FARS2: variants seen among roughly 807,000 people sequenced by gnomAD.
FARS2 encodes phenylalanine--tRNA ligase, mitochondrial.
Under a neutral mutation model 46.4 loss-of-function variants are expected in FARS2, and 40 were observed. The observed-to-expected ratio is 0.86, with a 90% CI of 0.67 to 1.12. FARS2 has a LOEUF of 1.12. Ranked by LOEUF, FARS2 falls within the 50% of genes most tolerant of loss-of-function variation. The pLI is 0.00. For synonymous variants in FARS2, 234 were observed against 214.9 expected (o/e 1.09, Z -0.78); for missense variants, 513 against 567.9 (o/e 0.90, Z 0.98).
In FARS2 at chr6:5,520,658, A is replaced by G. The variant is rs183031545; in HGVS notation, c.905-24522A>G. Among the ~76,000 whole-genome samples, 7 of 152,268 alleles carry G rather than the reference A, an allele frequency of 4.6e-5. No individual in the cohort carries two copies. In the East Asian group the frequency reaches 1.4e-3, roughly 29 times the overall value. On this transcript the variant is annotated intron_variant, in intron 4 of 6. Transcript: ENST00000274680. ...GACTACCTTTTTGCCAATGTTTTTC[A>G]TTGTCAAACTGACACATTTGCCAAT...
intron 1 of FARS2, among the ~76,000 whole-genome samples, chr6:5,316,500 CA>C (rs1248859105): frequency 7.9e-5 from 12 of 152,246 alleles, no homozygotes; most frequent in Admixed American, 7.8e-4. Context: ...ACTGAGGTGA[CA>C]GGGTAAACTG....
intron 1 of FARS2, among the ~76,000 whole-genome samples, chr6:5,367,274 G>A (rs3763182): frequency 0.2 from 30,150 of 152,146 alleles, 3,723 homozygotes; most frequent in East Asian, 0.28. Context: ...ATGATTGCAC[G>A]GCCCTTGAAG....
intron 3 of FARS2, among the ~76,000 whole-genome samples, chr6:5,419,275 A>G (rs1380770716): frequency 1.3e-5 from 2 of 152,200 alleles, no homozygotes; most frequent in East Asian, 1.9e-4. Context: ...ACATCAGTGA[A>G]TTGTGCTTTC....
intron 1 of FARS2, 75 bp from the exon 2 acceptor site, chr6:5,368,475 T>A: frequency 3.8e-6 from 5 of 1,304,600 alleles, no homozygotes; most frequent in Non-Finnish European, 5.3e-6. Context: ...AGGGAGCTGG[T>A]GGGAGATGCA....
intron 5 of FARS2, among the ~76,000 whole-genome samples, chr6:5,553,426 C>T (rs72817773): frequency 0.033 from 5,030 of 152,180 alleles, 192 homozygotes; most frequent in East Asian, 0.17. Flanking sequence ...TGAGTTTGGG[C>T]GCTGTTATTC....
At chr6:5,501,447 C>A (rs74742167) in intron 4 of FARS2, among the ~76,000 whole-genome samples, 1 of 152,048 alleles carries the variant, frequency 6.6e-6, no homozygotes, top group Non-Finnish European at 1.5e-5. Flanking sequence ...TTTAACCTTC[C>A]TAATTAGCAT....
intron 4 of FARS2, among the ~76,000 whole-genome samples, chr6:5,477,673 G>T (rs1766203265): frequency 6.6e-6 from 1 of 152,112 alleles, no homozygotes; most frequent in Non-Finnish European, 1.5e-5. Flanking sequence ...TTAATTTTGT[G>T]TGTGTAATTA....
chr6:5,637,866 C>T (rs1436147656), intron 6 of FARS2, among the ~76,000 whole-genome samples: 1 of 152,152 alleles, frequency 6.6e-6, no homozygotes, highest in Non-Finnish European at 1.5e-5. Context: ...TTGGATTAGG[C>T]CACCCTAATG....
At chr6:5,414,095 A>G (rs539399900) in intron 3 of FARS2, among the ~76,000 whole-genome samples, 6 of 152,346 alleles carry the variant, frequency 3.9e-5, no homozygotes, top group Admixed American at 3.9e-4. Context: ...TTTCAGCTAC[A>G]GTTTATGAAA....
intron 1 of FARS2, among the ~76,000 whole-genome samples, chr6:5,352,337 T>G (rs1327399166): frequency 6.6e-6 from 1 of 151,750 alleles, no homozygotes; most frequent in Admixed American, 6.6e-5. Context: ...AAAAAAAGCT[T>G]CCCAACCAGA....
intron 2 of FARS2, among the ~76,000 whole-genome samples, chr6:5,402,639 C>T (rs2432781): frequency 0.39 from 58,689 of 151,902 alleles, 12,828 homozygotes; most frequent in African/African-American, 0.6. Flanking sequence ...AATTTTTTAG[C>T]TGTGCTTTAT....
chr6:5,353,726 G>GTTTTTTTGT (rs1757722422), intron 1 of FARS2, among the ~76,000 whole-genome samples: 1 of 40,362 alleles, frequency 2.5e-5, no homozygotes, highest in Non-Finnish European at 4.3e-5. Flanking sequence ...AATATTTGGT[G>GTTTTTTTGT]TTTTTTTTTT....
At chr6:5,362,153 CTGTT>C (rs1758345750) in intron 1 of FARS2, among the ~76,000 whole-genome samples, 1 of 152,170 alleles carries the variant, frequency 6.6e-6, no homozygotes, top group Non-Finnish European at 1.5e-5. Flanking sequence ...ACCATGCCCA[CTGTT>C]TGGACATTCC....
intron 6 of FARS2, among the ~76,000 whole-genome samples, chr6:5,628,390 G>T (rs1776136850): frequency 6.6e-6 from 1 of 152,200 alleles, no homozygotes; most frequent in Admixed American, 6.5e-5. Flanking sequence ...CCTATTTGGA[G>T]TGACAGCAAT....
chr6:5,343,631 C>A lies in FARS2; in HGVS notation c.-21-24919C>A, dbSNP rs1231958051. On this transcript the variant is annotated intron_variant, in intron 1 of 6. Coordinates refer to ENST00000274680, the MANE Select transcript of FARS2 (RefSeq NM_006567.5). The surrounding 1 kb of genome is among the most constrained non-coding windows in gnomAD (Gnocchi z 4.5). ...TTTTAGTTCTTTGGAACATGTAAAC[C>A]CAGTGTTGAACTTCTGTACATTAAG... 6.6e-6 allele frequency among the ~76,000 whole-genome samples: 1 copy of A among 152,082 alleles called. No homozygotes were observed. The highest frequency in any genetic ancestry group is 1.5e-5 in the Non-Finnish European group (1 of 68,032).
chr6:5,660,673 A>T (rs1486579468), intron 6 of FARS2, among the ~76,000 whole-genome samples: 1 of 150,912 alleles, frequency 6.6e-6, no homozygotes, highest in Non-Finnish European at 1.5e-5. Flanking sequence ...AAAAAAAGTA[A>T]CAGTGAGCAG....
intron 1 of FARS2, among the ~76,000 whole-genome samples, chr6:5,276,879 A>G (rs990304183): frequency 6.6e-6 from 1 of 152,206 alleles, no homozygotes; most frequent in African/African-American, 2.4e-5. Flanking sequence ...GTCTCTTCCC[A>G]TCTCTATAAA....
At chr6:5,468,986 G>C (rs1765664446) in intron 4 of FARS2, among the ~76,000 whole-genome samples, 1 of 152,126 alleles carries the variant, frequency 6.6e-6, no homozygotes. Context: ...TTATGTGACG[G>C]GTAAATTTTG....
intron 1 of FARS2, among the ~76,000 whole-genome samples, chr6:5,307,873 G>A (rs2127543329): frequency 6.6e-6 from 1 of 152,222 alleles, no homozygotes; most frequent in South Asian, 2.1e-4. Flanking sequence ...CATGACCTGA[G>A]TTGGCGGAAA....
Sources: allele counts gnomAD v4.1 joint callset (sites outside exome capture counted in the v4.1 genomes callset), GRCh38; gene constraint gnomAD v4.1.1; non-coding constraint Gnocchi (gnomAD v3.1); transcripts MANE v1.5; gene names NCBI Gene and HGNC (gene_info 2026-07-23, HGNC 2026-07-21).